Variants in NAF1 observed in about 807,000 individuals in gnomAD.
NAF1 encodes H/ACA ribonucleoprotein complex non-core subunit NAF1.
NAF1 carries 11 observed loss-of-function variants against 40.6 expected under a neutral mutation model. The ratio of observed to expected loss-of-function variants is 0.27; its 90% confidence interval spans 0.17 to 0.45. The LOEUF (loss-of-function observed/expected upper bound fraction) is 0.45, where lower values mean the gene tolerates loss of function less well. Ranked by LOEUF, NAF1 falls within the 20% of genes least tolerant of loss-of-function variation. NAF1 has a pLI of 1.00. For synonymous variants in NAF1, 260 were observed against 228.5 expected (o/e 1.14, Z -1.24); for missense variants, 607 against 611.1 (o/e 0.99, Z 0.07).
chr4:163,137,339 A>G, intron 5 of NAF1, 89 bp from the exon 6 acceptor site: 1 of 1,382,302 alleles, frequency 7.2e-7, no homozygotes, highest in Non-Finnish European at 9.7e-7. Flanking sequence ...ATAATAAAGT[A>G]AAGGACATGA....
In NAF1 at chr4:163,128,944, G is replaced by A; in HGVS notation, c.1438C>T (p.Pro480Ser). 3 of 1,381,092 alleles carry A rather than the reference G, an allele frequency of 2.2e-6. No homozygotes were observed. The highest frequency in any genetic ancestry group is 3.0e-6 in the Non-Finnish European group (3 of 985,514). 85.6% of individuals were successfully genotyped at this position (1,381,092 alleles called of 1,614,324 possible). Reference sequence around the variant, plus strand: ...GAATTACTATCTCCAGAAGAGGGTGGAGGAGGCAGTGGTGGAGGGGGAGGG... The same window carrying A: ...GAATTACTATCTCCAGAAGAGGGTGAAGGAGGCAGTGGTGGAGGGGGAGGG... ...PPPPPPPLPP[P>S]PSSGDSNSHF... Residue 480 changes from proline to serine, a missense_variant, in exon 8 of 8, where the codon CCA becomes TCA. By Grantham distance (74) the Pro-to-Ser change is moderately conservative (BLOSUM62 -1). Transcript: ENST00000274054.
chr4:163,120,437 T>C (rs1454369603), intron 2 of NAF1, among the ~76,000 whole-genome samples: 1 of 152,236 alleles, frequency 6.6e-6, no homozygotes, highest in African/African-American at 2.4e-5. Flanking sequence ...GTTTGGCCCA[T>C]CTATCCTCAA....
intron 4 of NAF1, among the ~76,000 whole-genome samples, chr4:163,143,160 G>A (rs1731327245): frequency 6.6e-6 from 1 of 152,044 alleles, no homozygotes; most frequent in Admixed American, 6.6e-5. Flanking sequence ...CCCTGTCATT[G>A]AGAAGTGGTT....
chr4:163,105,953 A>C (rs1430902220), downstream of NAF1, among the ~76,000 whole-genome samples: 9 of 152,232 alleles, frequency 5.9e-5, no homozygotes, highest in Non-Finnish European at 1.3e-4. Flanking sequence ...ATATCTTGAA[A>C]AATGTTTACT....
downstream of NAF1, among the ~76,000 whole-genome samples, chr4:163,128,161 C>A (rs1351106842): frequency 6.6e-6 from 1 of 152,084 alleles, no homozygotes; most frequent in Non-Finnish European, 1.5e-5. Context: ...TTTATGGAAC[C>A]TAGTCTGCAT....
intron 5 of NAF1, among the ~76,000 whole-genome samples, chr4:163,138,459 A>C (rs1209929883): frequency 1.3e-5 from 2 of 152,080 alleles, no homozygotes; most frequent in Admixed American, 6.5e-5. Context: ...AAATCTACTA[A>C]AGGAAAGATC....
intron 6 of NAF1, chr4:163,136,350 A>AC (rs1731057468): frequency 6.6e-6 from 1 of 151,120 alleles, no homozygotes; most frequent in African/African-American, 2.4e-5. Flanking sequence ...AAAAAACAAA[A>AC]AAAAAACTGT....
chr4:163,122,962 C>T (rs1052145442), downstream of NAF1, among the ~76,000 whole-genome samples: 1 of 152,196 alleles, frequency 6.6e-6, no homozygotes, highest in Non-Finnish European at 1.5e-5. Context: ...TATGAAACTG[C>T]ACTCTATTCC....
At chr4:163,111,631 G>A (rs1730162549) in intron 2 of NAF1, among the ~76,000 whole-genome samples, 1 of 152,138 alleles carries the variant, frequency 6.6e-6, no homozygotes, top group Non-Finnish European at 1.5e-5. Context: ...AGAGAAATGT[G>A]TACATAAAAA....
In NAF1 at chr4:163,164,290, C is replaced by A; in HGVS notation, c.467G>T (p.Gly156Val). Residue 156 changes from glycine (G) to valine (V), a missense_variant, in exon 2 of 8, where the codon GGA becomes GTA. This residue lies in a region of NAF1 where 407 missense variants were observed against 365.5 expected (regional missense o/e 1.11). Coordinates refer to ENST00000274054, the MANE Select transcript of NAF1 (RefSeq NM_138386.3). ...CTTCTCAATTTGTAAATCATCATCT[C>A]CATCTGACAGCACTGGAGGAAGTGA... ...CISLPPVLSD[G>V]DDDLQIEKEN... The A allele has an allele frequency of 6.3e-7, 1 of 1,594,504 alleles. No individual in the cohort carries two copies. Among genetic ancestry groups the A allele is most frequent in the Non-Finnish European group, 8.5e-7 (1 of 1,173,430 alleles).
intron 2 of NAF1, among the ~76,000 whole-genome samples, chr4:163,152,987 CG>C (rs1421224568): frequency 6.6e-6 from 1 of 152,214 alleles, no homozygotes; most frequent in Non-Finnish European, 1.5e-5. Context: ...GCTTAGCACC[CG>C]GGCCAGCAGC....
intron 2 of NAF1, among the ~76,000 whole-genome samples, chr4:163,117,715 A>ACACG (rs1191015138): frequency 3.3e-5 from 5 of 151,324 alleles, no homozygotes; most frequent in Non-Finnish European, 7.4e-5. Flanking sequence ...ACACACACAC[A>ACACG]CACGCATGAA....
At position 163,129,210 on chromosome 4, in the gene NAF1, G is replaced by A. The variant is rs754096944; in HGVS notation, c.1172C>T (p.Pro391Leu). 6 of 1,613,572 alleles carry A rather than the reference G, an allele frequency of 3.7e-6. No homozygotes were observed. In the African/African-American group the frequency reaches 6.7e-5, roughly 18 times the overall value. Residue 391 changes from proline to leucine, a missense_variant, in exon 8 of 8, where the codon CCA becomes CTA. This residue lies in a region of NAF1 where 189 missense variants were observed against 216.6 expected (regional missense o/e 0.87). Coordinates refer to ENST00000274054, the MANE Select transcript of NAF1 (RefSeq NM_138386.3). ...RYPRSCHGRP[P>L]PQHFYNSEHM... The stretch of plus-strand genomic sequence containing the variant: ...TTCTGAGTTATAGAAATGCTGAGGT[G>A]GAGGCCTGCCATGGCAAGATCGAGG...
intron 1 of NAF1, among the ~76,000 whole-genome samples, chr4:163,165,079 G>A (rs1732396740): frequency 6.6e-6 from 1 of 152,118 alleles, no homozygotes; most frequent in African/African-American, 2.4e-5. Flanking sequence ...CATCATCCAT[G>A]TGAATTAACG....
the NAF1 span, among the ~76,000 whole-genome samples, chr4:163,103,983 A>C: frequency 2.0e-5 from 3 of 150,832 alleles, no homozygotes; most frequent in African/African-American, 4.8e-5. Flanking sequence ...GAGTCCAAAA[A>C]GAGAGTCAGA....
At chr4:163,152,790 T>C (rs1003679280) in intron 2 of NAF1, among the ~76,000 whole-genome samples, 3 of 152,228 alleles carry the variant, frequency 2.0e-5, no homozygotes, top group Admixed American at 6.5e-5. Flanking sequence ...TGGGAGCCCC[T>C]TTCTGGGCAG....
chr4:163,129,010 C>G lies in NAF1; in HGVS notation c.1372G>C (p.Ala458Pro). Residue 458 changes from alanine to proline, a missense_variant, in exon 8 of 8, where the codon GCT becomes CCT. Transcript: ENST00000274054. Reference sequence around the variant, plus strand: ...TATGGTAAGTTAAGTAATGGATGAGCAGCCATGTTTGGTGTAGCCCAACCC... The same window carrying G: ...TATGGTAAGTTAAGTAATGGATGAGGAGCCATGTTTGGTGTAGCCCAACCC... ...NMGWATPNMAAHPLLNLPYSL... is the reference protein window; with the variant it reads ...NMGWATPNMAPHPLLNLPYSL... The G allele has an allele frequency of 6.5e-7, 1 of 1,533,148 alleles. No individual in the cohort carries two copies. The highest frequency in any genetic ancestry group is 8.7e-7 in the Non-Finnish European group (1 of 1,144,020). The allele number at this position is 1,533,148 out of a possible 1,614,324, so 95.0% of individuals were successfully genotyped here.
chr4:163,152,527 C>G (rs1560801548), intron 2 of NAF1, among the ~76,000 whole-genome samples: 1 of 152,192 alleles, frequency 6.6e-6, no homozygotes, highest in Non-Finnish European at 1.5e-5. Context: ...AACCTATGTA[C>G]TGGAAGAATG....
intron 2 of NAF1, among the ~76,000 whole-genome samples, chr4:163,153,423 T>A (rs1022724328): frequency 3.3e-5 from 5 of 152,162 alleles, no homozygotes; most frequent in South Asian, 2.1e-4. Flanking sequence ...CAATCGACAC[T>A]CTGTATCTAG....
Sources: gnomAD v4.1 joint callset for allele counts (sites outside exome capture counted in the v4.1 genomes callset) on GRCh38, gnomAD v4.1.1 for gene constraint, gnomAD v4.1.1 regional missense constraint, MANE v1.5 for transcripts, NCBI Gene and HGNC (gene_info 2026-07-23, HGNC 2026-07-21) for gene names.